CEMIP2: variants seen among roughly 807,000 people sequenced by gnomAD.
CEMIP2 encodes the protein cell migration inducing hyaluronidase 2.
CEMIP2 carries 79 observed loss-of-function variants against 146.9 expected under a neutral mutation model. The ratio of observed to expected loss-of-function variants is 0.54; its 90% CI spans 0.45 to 0.65. The LOEUF (loss-of-function observed/expected upper bound fraction) is 0.65, where lower values mean the gene tolerates loss of function less well. CEMIP2 is among the 30% of genes least tolerant of loss of function. CEMIP2 has a pLI of 0.00. For synonymous variants in CEMIP2, 601 were observed against 606.3 expected (o/e 0.99, Z 0.13); for missense variants, 1,596 against 1,696.2 (o/e 0.94, Z 1.04).
intron 1 of CEMIP2, 99 bp from the exon 2 acceptor site, chr9:71,750,484 C>T (rs1468478634): frequency 5.4e-6 from 5 of 919,344 alleles, no homozygotes; most frequent in Non-Finnish European, 4.7e-6. Flanking sequence ...TCTTGTTGCC[C>T]ACACTGGAGT....
chr9:71,731,430 C>T lies in CEMIP2; in HGVS notation c.1564-516G>A, dbSNP rs561552216. Among the ~76,000 whole-genome samples the T allele has an allele frequency of 2.8e-4, 43 of 152,118 alleles. 2 individuals are homozygous for T. The highest frequency in any genetic ancestry group is 1.0e-4 in the Non-Finnish European group (7 of 68,010). On this transcript the variant is annotated intron_variant, in intron 7 of 23. Coordinates refer to ENST00000377044, the MANE Select transcript of CEMIP2 (RefSeq NM_013390.3). Reference sequence around the variant, plus strand: ...CTAACAACAAGGGAATAGTACTGATCGACATTTCAGAAATCCTTGTAACAG... The same window carrying T: ...CTAACAACAAGGGAATAGTACTGATTGACATTTCAGAAATCCTTGTAACAG...
chr9:71,695,566 TG>T (rs1195395551), intron 20 of CEMIP2, among the ~76,000 whole-genome samples: 1 of 151,938 alleles, frequency 6.6e-6, no homozygotes, highest in Non-Finnish European at 1.5e-5. Flanking sequence ...TCCAGCTACT[TG>T]GGAGGCTGAG....
intron 6 of CEMIP2, among the ~76,000 whole-genome samples, chr9:71,733,442 T>C (rs182457822): frequency 6.6e-6 from 1 of 152,202 alleles, no homozygotes; most frequent in African/African-American, 2.4e-5. Flanking sequence ...TGGGGTTTTT[T>C]TGTTGGGGCA....
intron 14 of CEMIP2, among the ~76,000 whole-genome samples, chr9:71,716,180 C>G (rs1823051321): frequency 6.6e-6 from 1 of 151,948 alleles, no homozygotes; most frequent in Non-Finnish European, 1.5e-5. Flanking sequence ...TCTAAGAAAG[C>G]AAATATTAGT....
chr9:71,723,006 T>G, intron 11 of CEMIP2, among the ~76,000 whole-genome samples: 1 of 149,748 alleles, frequency 6.7e-6, no homozygotes, highest in African/African-American at 2.5e-5. Context: ...TGGAGAGAAA[T>G]TAAGCAAAAG....
At chr9:71,686,899 A>C (rs1339051828) in intron 22 of CEMIP2, 1 of 152,184 alleles carries the variant, frequency 6.6e-6, no homozygotes, top group Non-Finnish European at 1.5e-5. Flanking sequence ...CTATTTATTT[A>C]AGTTCTATTA....
chr9:71,720,583 C>T (rs1040947963), intron 12 of CEMIP2, among the ~76,000 whole-genome samples: 6 of 152,192 alleles, frequency 3.9e-5, no homozygotes, highest in Non-Finnish European at 5.9e-5. Flanking sequence ...TGAGCCATCA[C>T]GCCCGGCCCT....
chr9:71,759,681 G>A (rs960438930), intron 1 of CEMIP2, among the ~76,000 whole-genome samples: 5 of 152,140 alleles, frequency 3.3e-5, no homozygotes, highest in African/African-American at 1.2e-4. Context: ...GTTCTTTTTG[G>A]AATTTAAATG....
intron 17 of CEMIP2, among the ~76,000 whole-genome samples, chr9:71,705,835 C>T (rs1381333154): frequency 6.6e-6 from 1 of 151,464 alleles, no homozygotes. Flanking sequence ...ATATAGGAGG[C>T]TGTACATACA....
At chr9:71,709,710 G>A (rs761098692) in intron 16 of CEMIP2, among the ~76,000 whole-genome samples, 27 of 152,208 alleles carry the variant, frequency 1.8e-4, no homozygotes, top group Non-Finnish European at 3.8e-4. Flanking sequence ...ATGGGCAAAT[G>A]TTAAACTTCA....
At position 71,734,892 on chromosome 9, in the gene CEMIP2, G is replaced by T. The variant is rs1260834045; in HGVS notation, c.1307C>A (p.Ala436Glu). ...SWKPGDQIVV[A>E]STDYSMYQAE... ...TTGGTACATGGAATAGTCTGTGCTTGCGACCACAATCTGGTCTCCAGGTTT... is the reference window on the plus strand; with the variant it reads ...TTGGTACATGGAATAGTCTGTGCTTTCGACCACAATCTGGTCTCCAGGTTT... The change falls in exon 6 of 24, where the codon GCA becomes GAA. Residue 436 changes from alanine to glutamate, a missense_variant. Transcript: ENST00000377044. 1.2e-6 allele frequency: 2 copies of T among 1,613,766 alleles called. No individual in the cohort carries two copies. Among genetic ancestry groups the T allele is most frequent in the Non-Finnish European group, 1.7e-6 (2 of 1,180,006 alleles).
chr9:71,691,133 A>T (rs1822213574), intron 21 of CEMIP2, among the ~76,000 whole-genome samples: 1 of 152,248 alleles, frequency 6.6e-6, no homozygotes, highest in Non-Finnish European at 1.5e-5. Flanking sequence ...TGGTATTCAA[A>T]ATGGCACTTT....
chr9:71,752,040 T>C (rs545501785), intron 1 of CEMIP2, among the ~76,000 whole-genome samples: 2 of 152,290 alleles, frequency 1.3e-5, no homozygotes, highest in African/African-American at 4.8e-5. Context: ...ATATATTTAA[T>C]ACAACAAATC....
Position 71,728,193 on chromosome 9 carries a change from T to TTCTCTCTC in CEMIP2, c.2049+1644_2049+1651dup, listed in dbSNP as rs369654117. Among the ~76,000 whole-genome samples, 135 of 29,612 alleles carry TTCTCTCTC rather than the reference T, an allele frequency of 4.6e-3. 6 individuals carry two copies. The highest frequency in any genetic ancestry group is 0.019 in the Middle Eastern group (1 of 54). 19.4% of individuals were successfully genotyped at this position (29,612 alleles called of 152,430 possible). A position where few individuals can be genotyped will look rare whatever the true frequency, so the allele number is the denominator to read the frequency against. ...TCTGTCTGGTCAACACAGCGAAACC[T>TTCTCTCTC]TCTCTCTCTCTCTCTCTCTCTCTCT... On this transcript the variant is annotated intron_variant, in intron 10 of 23. Coordinates refer to ENST00000377044, the MANE Select transcript of CEMIP2 (RefSeq NM_013390.3).
In CEMIP2 at chr9:71,734,056, C is replaced by T. The variant is rs1196980890; in HGVS notation, c.1393+750G>A. 3.3e-5 allele frequency among the ~76,000 whole-genome samples: 5 copies of T among 152,062 alleles called. No individual in the cohort carries two copies. The South Asian group carries it at 8.3e-4, about 25-fold the overall frequency. On this transcript the variant is annotated intron_variant, in intron 6 of 23. Coordinates refer to ENST00000377044, the MANE Select transcript of CEMIP2 (RefSeq NM_013390.3). ...AGAGATGGGGTTTCACCGTATGGGC[C>T]GGGCCGGTCTCAAATGCCTAACCAC...
At chr9:71,737,501 A>G (rs1433573795) in intron 5 of CEMIP2, among the ~76,000 whole-genome samples, 1 of 152,338 alleles carries the variant, frequency 6.6e-6, no homozygotes, top group Non-Finnish European at 1.5e-5. Flanking sequence ...TTGGAGAATC[A>G]AAAGTGGGGA....
In CEMIP2 at chr9:71,732,442, T is replaced by G; in HGVS notation, c.1472A>C (p.Asn491Thr). 1 of 1,614,022 alleles carries G rather than the reference T, an allele frequency of 6.2e-7. No individual in the cohort carries two copies. The highest frequency in any genetic ancestry group is 8.5e-7 in the Non-Finnish European group (1 of 1,179,996). Residue 491 changes from asparagine to threonine, a missense_variant, in exon 7 of 24, where the codon AAT becomes ACT. Physicochemically the swap from Asn to Thr is moderately conservative, Grantham distance 65. Coordinates refer to ENST00000377044, the MANE Select transcript of CEMIP2 (RefSeq NM_013390.3). ...CTCCACTTCTCCTTGGATCACAATA[T>G]TCCGGGTAAGAATTCCAACCTCAGC... ...MRAEVGILTR[N>T]IVIQGEVEDS...
At chr9:71,701,349 G>A (rs560197818) in intron 18 of CEMIP2, among the ~76,000 whole-genome samples, 1 of 152,026 alleles carries the variant, frequency 6.6e-6, no homozygotes, top group African/African-American at 2.4e-5. Flanking sequence ...CAAGTGATCC[G>A]CCCACCTCAG....
At chr9:71,712,315 T>C in intron 15 of CEMIP2, 55 bp from the exon 16 acceptor site, 1 of 1,538,336 alleles carries the variant, frequency 6.5e-7, no homozygotes, top group Non-Finnish European at 8.9e-7. Flanking sequence ...TTAGCAGCAC[T>C]TCACTTACTT....
Sources: gnomAD v4.1 joint callset for allele counts (sites outside exome capture counted in the v4.1 genomes callset) on GRCh38, gnomAD v4.1.1 for gene constraint, MANE v1.5 for transcripts, NCBI Gene and HGNC (gene_info 2026-07-23, HGNC 2026-07-21) for gene names.